The following BRD3 variants were observed in gnomAD, a reference collection of about 807,000 sequenced individuals.
The protein encoded by BRD3 is bromodomain-containing protein 3.
Under a neutral mutation model 66.8 loss-of-function variants are expected in BRD3, and 17 were observed. The ratio of observed to expected loss-of-function variants is 0.25; its 90% CI spans 0.17 to 0.38. The LOEUF (loss-of-function observed/expected upper bound fraction) is 0.38, where lower values mean the gene tolerates loss of function less well. Ranked by LOEUF, BRD3 falls within the 10% of genes least tolerant of loss-of-function variation. The probability of loss-of-function intolerance (pLI) is 1.00; values close to 1 mark genes in which losing one functional copy is unlikely to be tolerated. For missense variants in BRD3, 713 were observed against 956.1 expected (o/e 0.75, Z 3.35); for synonymous variants, 421 against 393.2 (o/e 1.07, Z -0.84).
intron 1 of BRD3, among the ~76,000 whole-genome samples, chr9:134,061,939 T>A (rs1364102949): frequency 6.6e-6 from 1 of 152,098 alleles, no homozygotes; most frequent in East Asian, 1.9e-4. Context: ...CCGGCCAACC[T>A]AGCACCTGTC....
At chr9:134,042,686 C>T (rs1346407779) in intron 7 of BRD3, among the ~76,000 whole-genome samples, 1 of 134,882 alleles carries the variant, frequency 7.4e-6, no homozygotes, top group Non-Finnish European at 1.6e-5. Flanking sequence ...TATACACACA[C>T]ACACATATAC....
At chr9:134,052,261 C>T (rs754831293) in intron 3 of BRD3, 45 bp downstream of exon 3, 3 of 1,606,124 alleles carry the variant, frequency 1.9e-6, no homozygotes, top group South Asian at 2.2e-5. Context: ...TGCACAGCGC[C>T]CCAATCCTTA....
rs1192800747 is a variant in BRD3, at chr9:134,067,979, G to C, written c.-148C>G. On this transcript the variant is annotated 5_prime_UTR_variant, in exon 1 of 12. Coordinates refer to ENST00000303407, the MANE Select transcript of BRD3 (RefSeq NM_007371.4). ...CGGCTCCGGCGGCCGTCCCCTCCCG[G>C]CCCGCGCGGCCGGCTCCTCTTTGGC... 6.9e-6 allele frequency: 1 copy of C among 145,224 alleles called. No homozygotes were observed. Among genetic ancestry groups the C allele is most frequent in the East Asian group, 2.0e-4 (1 of 4,924 alleles). The allele number at this position is 145,224 out of a possible 1,614,324, so 9.0% of individuals were successfully genotyped here.
intron 3 of BRD3, 88 bp from the exon 4 acceptor site, chr9:134,051,797 T>G (rs1830302463): frequency 1.4e-6 from 2 of 1,425,802 alleles, no homozygotes; most frequent in Admixed American, 2.8e-5. Context: ...AAAAAAATAT[T>G]TAAAATTTGT....
rs773068280 is a variant in BRD3 at position 134,048,361 on chromosome 9, G to A, written c.808C>T (p.Pro270Ser). ...CGGGCCACCACTTTGGCCTGCTTGG[G>A]GTCTGACAACGGCGGGGGCGACTCA... The part of the protein sequence containing the change: ...RSESPPPLSD[P>S]KQAKVVARRE... The change falls in exon 6 of 12, where the codon CCC becomes TCC. Residue 270 changes from proline (P) to serine (S), a missense_variant. By Grantham distance (74) the Pro-to-Ser change is moderately conservative. Coordinates refer to ENST00000303407, the MANE Select transcript of BRD3 (RefSeq NM_007371.4). 6.3e-7 allele frequency: 1 copy of A among 1,599,086 alleles called. No individual in the cohort carries two copies. Among genetic ancestry groups the A allele is most frequent in the African/African-American group, 1.3e-5 (1 of 74,914 alleles).
intron 8 of BRD3, among the ~76,000 whole-genome samples, chr9:134,041,106 TC>T (rs1347543636): frequency 6.6e-6 from 1 of 152,218 alleles, no homozygotes; most frequent in Non-Finnish European, 1.5e-5. Flanking sequence ...GCCATCGCTG[TC>T]CTTGCAGCCC....
chr9:134,051,160 G>T (rs1275364157), intron 4 of BRD3, among the ~76,000 whole-genome samples: 1 of 152,198 alleles, frequency 6.6e-6, no homozygotes, highest in Non-Finnish European at 1.5e-5. Flanking sequence ...AGGTGATAGT[G>T]ACTCTCAGGT....
chr9:134,041,366 C>T lies in BRD3; in HGVS notation c.1407+394G>A, dbSNP rs376899116. On this transcript the variant is annotated intron_variant, in intron 8 of 11. Coordinates refer to ENST00000303407, the MANE Select transcript of BRD3 (RefSeq NM_007371.4). ...GGCTGGGCAGCTGCACGGCAGGGCC[C>T]TCAGGACCCTGGAGCCTGCACCCCA... Among the ~76,000 whole-genome samples the T allele has an allele frequency of 2.2e-4, 34 of 152,266 alleles. No homozygotes were observed. In the East Asian group the frequency reaches 6.4e-3, roughly 29 times the overall value.
chr9:134,048,518 A>G, intron 5 of BRD3, 64 bp from the exon 6 acceptor site: 1 of 1,588,092 alleles, frequency 6.3e-7, no homozygotes. Context: ...ATGTCGCTGC[A>G]GCCGCGTTTC....
intron 11 of BRD3, among the ~76,000 whole-genome samples, chr9:134,034,023 C>T (rs1296359781): frequency 6.6e-6 from 1 of 152,202 alleles, no homozygotes; most frequent in Non-Finnish European, 1.5e-5. Context: ...TTCTGGAGCG[C>T]TTACTCTGCC....
Position 134,031,628 on chromosome 9 carries a change from AATG to A in BRD3, c.*1959_*1961del, listed in dbSNP as rs1365901040. On this transcript the variant is annotated 3_prime_UTR_variant, in exon 12 of 12. Coordinates refer to ENST00000303407, the MANE Select transcript of BRD3 (RefSeq NM_007371.4). The stretch of plus-strand genomic sequence containing the variant: ...TGTCAGACTCACCAGCAATTTAAAA[AATG>A]ATAATTTACCAGCATCTCCTCATCA... The A allele has an allele frequency of 4.7e-6, 1 of 213,592 alleles. No individual in the cohort carries two copies. Among genetic ancestry groups the A allele is most frequent in the Non-Finnish European group, 9.5e-6 (1 of 105,790 alleles). 13.2% of individuals were successfully genotyped at this position (213,592 alleles called of 1,614,324 possible).
chr9:134,052,249 G>A (rs562654068), intron 3 of BRD3, 57 bp downstream of exon 3: 24 of 1,596,554 alleles, frequency 1.5e-5, no homozygotes, highest in Middle Eastern at 4.6e-4. Flanking sequence ...GGCCCACTGC[G>A]TTGCACAGCG....
chr9:134,057,867 A>G (rs1253709865), intron 1 of BRD3: 3 of 152,600 alleles, frequency 2.0e-5, no homozygotes, highest in African/African-American at 7.2e-5. Context: ...GCCCCTCCAG[A>G]ACCCAAGGTC....
intron 1 of BRD3, chr9:134,057,398 G>A (rs1270224279): frequency 1.3e-5 from 2 of 152,260 alleles, no homozygotes; most frequent in African/African-American, 2.4e-5. Flanking sequence ...TCAGCCCTCT[G>A]GCCCAGACGT....
intron 7 of BRD3, among the ~76,000 whole-genome samples, chr9:134,042,353 G>A (rs1199970317): frequency 3.3e-5 from 5 of 152,200 alleles, no homozygotes; most frequent in Non-Finnish European, 5.9e-5. Context: ...GAGTCCAAGA[G>A]TGTTGACCTC....
At chr9:134,046,199 C>T (rs1193007953) in intron 6 of BRD3, among the ~76,000 whole-genome samples, 1 of 152,214 alleles carries the variant, frequency 6.6e-6, no homozygotes, top group Non-Finnish European at 1.5e-5. Context: ...CTGGGAGGTG[C>T]AGGTGGCTCT....
At chr9:134,050,346 C>T in intron 5 of BRD3, 28 bp downstream of exon 5, 1 of 1,597,394 alleles carries the variant, frequency 6.3e-7, no homozygotes, top group Non-Finnish European at 8.5e-7. Context: ...GCTCAGGTGC[C>T]CCACCCATCC....
chr9:134,038,842 T>A (rs1829982609), intron 9 of BRD3, among the ~76,000 whole-genome samples: 1 of 151,974 alleles, frequency 6.6e-6, no homozygotes, highest in Admixed American at 6.6e-5. Flanking sequence ...TCTGAAAAAA[T>A]CCAAAATCAG....
In BRD3 at chr9:134,048,289, C is replaced by T; in HGVS notation, c.880G>A (p.Glu294Lys). 1 of 1,605,886 alleles carries T rather than the reference C, an allele frequency of 6.2e-7. No homozygotes were observed. The highest frequency in any genetic ancestry group is 8.5e-7 in the Non-Finnish European group (1 of 1,178,618). Residue 294 changes from glutamate to lysine, a missense_variant, in exon 6 of 12, where the codon GAG becomes AAG. This residue lies in a region of BRD3 where 418 missense variants were observed against 609.3 expected (regional missense o/e 0.69). Transcript: ENST00000303407. ...GCGTGCTGGGGCACCTCGCCGTCCTCCAGGTCCTTCTTGGGAGGCTTGATG... is the reference window on the plus strand; with the variant it reads ...GCGTGCTGGGGCACCTCGCCGTCCTTCAGGTCCTTCTTGGGAGGCTTGATG... The part of the protein sequence containing the change: ...RPIKPPKKDL[E>K]DGEVPQHAGK...
Sources: allele counts gnomAD v4.1 joint callset (sites outside exome capture counted in the v4.1 genomes callset), GRCh38; gene constraint gnomAD v4.1.1; regional missense constraint gnomAD v4.1.1; transcripts MANE v1.5; gene names NCBI Gene and HGNC (gene_info 2026-07-23, HGNC 2026-07-21).